FMR1NB: variants seen among roughly 807,000 people sequenced by gnomAD.
FMR1NB encodes the protein FMR1 neighbor.
Under a neutral mutation model 16.8 loss-of-function variants are expected in FMR1NB, and 10 were observed. The ratio of observed to expected loss-of-function variants is 0.60; its 90% CI spans 0.37 to 1.01. The LOEUF (loss-of-function observed/expected upper bound fraction) is 1.01, where lower values mean the gene tolerates loss of function less well. FMR1NB is among the 50% of genes least tolerant of loss of function. The probability of loss-of-function intolerance (pLI) is 0.01; values close to 1 mark genes in which losing one functional copy is unlikely to be tolerated. For missense variants in FMR1NB, 205 were observed against 204.8 expected (o/e 1.00, Z 0.00); for synonymous variants, 83 against 79.1 (o/e 1.05, Z -0.26).
chrX:147,994,958 T>G (rs57146505), intron 1 of FMR1NB, among the ~76,000 whole-genome samples: 1,730 of 112,301 alleles, frequency 0.015, 26 homozygotes, highest in African/African-American at 0.054. Flanking sequence ...TGATCTTGTT[T>G]GGAGATAAGG....
chrX:147,987,434 C>T (rs1373230140), intron 1 of FMR1NB, among the ~76,000 whole-genome samples: 1 of 111,681 alleles, frequency 9.0e-6, no homozygotes, highest in Non-Finnish European at 1.9e-5. Flanking sequence ...AGCTTTTGCC[C>T]ATTCAGTATG....
Position 148,016,635 on chromosome X carries a change from T to C in FMR1NB, c.632+7924T>C, listed in dbSNP as rs894316449. ...TGTGAATCCATTGCATGTTTTTTGA[T>C]TAGAGGTTACCATGAGGCTTGCAAA... On this transcript the variant is annotated intron_variant, in intron 4 of 5. Transcript: ENST00000370467. Among the ~76,000 whole-genome samples, 3 of 111,558 alleles carry C rather than the reference T, an allele frequency of 2.7e-5. No individual in the cohort carries two copies. The East Asian group carries it at 8.4e-4, about 31-fold the overall frequency.
chrX:147,994,953 T>C (rs1484857842), intron 1 of FMR1NB, among the ~76,000 whole-genome samples: 1 of 112,454 alleles, frequency 8.9e-6, no homozygotes, highest in Admixed American at 9.4e-5. Flanking sequence ...ATTTGTGATC[T>C]TGTTTGGAGA....
At chrX:148,006,101 C>T (rs1166601155) in intron 2 of FMR1NB, among the ~76,000 whole-genome samples, 5 of 105,186 alleles carry the variant, frequency 4.8e-5, no homozygotes, top group South Asian at 4.1e-4. Flanking sequence ...CAGGTATGTA[C>T]GAATTTATTG....
chrX:147,997,669 G>T (rs575174999), intron 1 of FMR1NB, among the ~76,000 whole-genome samples: 1 of 111,560 alleles, frequency 9.0e-6, no homozygotes, highest in East Asian at 2.8e-4. Flanking sequence ...GAGTGAACTG[G>T]CAACCTATAG....
chrX:147,996,587 G>A (rs1481710393), intron 1 of FMR1NB, among the ~76,000 whole-genome samples: 10 of 105,921 alleles, frequency 9.4e-5, no homozygotes, highest in Admixed American at 4.1e-4. Context: ...CCACAGCGGG[G>A]ATGGGGGGGG....
At position 147,992,360 on chromosome X, in the gene FMR1NB, G is replaced by A. The variant is rs868942298; in HGVS notation, c.277+10681G>A. On this transcript the variant is annotated intron_variant, in intron 1 of 5. Transcript: ENST00000370467. ...GGGGCTGACCCCCCACCTCCCTCCC[G>A]GACGGGGCGGCTGGCTGGGCAGAGG... Among the ~76,000 whole-genome samples the A allele has an allele frequency of 1.5e-4, 10 of 65,946 alleles. No individual in the cohort carries two copies. In the East Asian group the frequency reaches 1.7e-3, roughly 11 times the overall value. The allele number at this position is 65,946 out of a possible 115,157, so 57.3% of individuals were successfully genotyped here.
At chrX:147,987,880 C>T (rs1348350829) in intron 1 of FMR1NB, among the ~76,000 whole-genome samples, 2 of 109,805 alleles carry the variant, frequency 1.8e-5, no homozygotes, top group Non-Finnish European at 3.8e-5. Flanking sequence ...TGAAATTTCT[C>T]CATCCCTTTA....
intron 1 of FMR1NB, among the ~76,000 whole-genome samples, chrX:147,999,932 G>A (rs1030840272): frequency 8.1e-5 from 9 of 111,733 alleles, no homozygotes; most frequent in South Asian, 7.4e-4. Context: ...AGTAGAAATC[G>A]TCAAAACCAC....
At chrX:147,993,274 C>T (rs1330292268) in intron 1 of FMR1NB, among the ~76,000 whole-genome samples, 7 of 112,186 alleles carry the variant, frequency 6.2e-5, no homozygotes, top group Non-Finnish European at 9.5e-5. Flanking sequence ...GGCGTGGCGG[C>T]GCGTGCCTGC....
At position 148,016,872 on chromosome X, in the gene FMR1NB, C is replaced by T. The variant is rs1186644172; in HGVS notation, c.633-7993C>T. 2.7e-5 allele frequency among the ~76,000 whole-genome samples: 3 copies of T among 110,849 alleles called. No individual in the cohort carries two copies. In the Admixed American group the frequency reaches 2.9e-4, roughly 11 times the overall value. ...TTGATTGGTTCGTCTTTAGTCTTTC[C>T]ACTTAAGAGTAGTTTATACAACAAA... On this transcript the variant is annotated intron_variant, in intron 4 of 5. Transcript: ENST00000370467.
intron 1 of FMR1NB, among the ~76,000 whole-genome samples, chrX:147,993,079 A>C (rs1466833813): frequency 1.9e-5 from 2 of 107,319 alleles, no homozygotes; most frequent in Non-Finnish European, 3.9e-5. Context: ...TGGGAGGTGT[A>C]GGTTGTAGTG....
Position 148,021,397 on chromosome X carries a change from CTTT to C in FMR1NB, c.633-3455_633-3453del, listed in dbSNP as rs781961309. On this transcript the variant is annotated intron_variant, in intron 4 of 5. Transcript: ENST00000370467. Reference sequence around the variant, plus strand: ...CTGATTTTTGGTTCTTATGAAGGGGCTTTTTTTTTTTTTTTCCTGTGTAGATAG... The same window carrying C: ...CTGATTTTTGGTTCTTATGAAGGGGCTTTTTTTTTTTTCCTGTGTAGATAG... Among the ~76,000 whole-genome samples the C allele has an allele frequency of 2.5e-3, 227 of 90,716 alleles. 4 individuals carry two copies. Among genetic ancestry groups the C allele is most frequent in the African/African-American group, 7.0e-3 (177 of 25,155 alleles). 78.8% of individuals were successfully genotyped at this position (90,716 alleles called of 115,157 possible). A position where few individuals can be genotyped will look rare whatever the true frequency, so the allele number is the denominator to read the frequency against.
At chrX:148,008,498 G>T (rs2044608080) in intron 3 of FMR1NB, 120 bp from the exon 4 acceptor site, 1 of 587,128 alleles carries the variant, frequency 1.7e-6, no homozygotes, top group Non-Finnish European at 2.6e-6. Context: ...TGTCACATAA[G>T]AATACCTCCT....
At chrX:147,982,397 G>C (rs987996690) in intron 1 of FMR1NB, among the ~76,000 whole-genome samples, 1 of 109,616 alleles carries the variant, frequency 9.1e-6, no homozygotes, top group Non-Finnish European at 1.9e-5. Context: ...AGACTAGCCT[G>C]GGCAACAAGG....
At chrX:147,997,907 C>T (rs781821930) in intron 1 of FMR1NB, among the ~76,000 whole-genome samples, 24 of 112,420 alleles carry the variant, frequency 2.1e-4, no homozygotes, top group Non-Finnish European at 3.9e-4. Flanking sequence ...CAATGAGATA[C>T]CATCTCTCGC....
intron 1 of FMR1NB, among the ~76,000 whole-genome samples, chrX:147,986,032 C>T (rs1465295572): frequency 8.9e-6 from 1 of 112,529 alleles, no homozygotes. Flanking sequence ...GAGATGGTAT[C>T]TCATTGTGGT....
intron 1 of FMR1NB, among the ~76,000 whole-genome samples, chrX:147,983,944 G>A (rs1487667666): frequency 2.7e-5 from 3 of 111,205 alleles, no homozygotes; most frequent in African/African-American, 9.8e-5. Context: ...ATTCTTTGGC[G>A]TGTGGATAGC....
At chrX:148,007,844 A>G (rs1557189276) in intron 3 of FMR1NB, among the ~76,000 whole-genome samples, 4 of 111,891 alleles carry the variant, frequency 3.6e-5, no homozygotes, top group African/African-American at 9.7e-5. Flanking sequence ...AATACTGGAA[A>G]CTAAAACCTG....
Sources: allele counts gnomAD v4.1 joint callset (sites outside exome capture counted in the v4.1 genomes callset), GRCh38; gene constraint gnomAD v4.1.1; transcripts MANE v1.5; gene names NCBI Gene and HGNC (gene_info 2026-07-23, HGNC 2026-07-21).